The following DNMT1 variants were observed in gnomAD, a reference collection of about 807,000 sequenced individuals.
The protein encoded by DNMT1 is DNA (cytosine-5)-methyltransferase 1.
DNMT1 carries 24 observed loss-of-function variants against 205.3 expected under a neutral mutation model. The ratio of observed to expected loss-of-function variants is 0.12; its 90% CI spans 0.08 to 0.16. DNMT1 has a LOEUF of 0.16. Ranked by LOEUF, DNMT1 falls within the 10% of genes least tolerant of loss-of-function variation. DNMT1 has a pLI of 1.00. For synonymous variants in DNMT1, 817 were observed against 839.8 expected, an observed-to-expected ratio of 0.97 and a Z score of 0.47; for missense variants, 1,293 against 2,177.7, an observed-to-expected ratio of 0.59 and a Z score of 8.09.
chr19:10,150,483 C>T (rs905397298), intron 24 of DNMT1, among the ~76,000 whole-genome samples: 3 of 152,236 alleles, frequency 2.0e-5, no homozygotes, highest in African/African-American at 7.2e-5. Context: ...GTGGCCCCAG[C>T]CTCCTCCCAG....
chr19:10,144,341 G>C (rs2089657785), intron 28 of DNMT1: 1 of 346,698 alleles, frequency 2.9e-6, no homozygotes, highest in Non-Finnish European at 5.7e-6. Flanking sequence ...CCAGGAGGCA[G>C]AGGTTGCAGT....
At chr19:10,185,911 C>A (rs536829536) in intron 1 of DNMT1, among the ~76,000 whole-genome samples, 38 of 151,384 alleles carry the variant, frequency 2.5e-4, no homozygotes, top group African/African-American at 9.2e-4. Context: ...CTCTTCCAGG[C>A]AAAAGTCATT....
intron 29 of DNMT1, among the ~76,000 whole-genome samples, chr19:10,143,047 C>T (rs754616213): frequency 4.6e-5 from 7 of 152,168 alleles, no homozygotes; most frequent in East Asian, 1.9e-4. Context: ...GCCTAATCAC[C>T]GCAAGTTACT....
At position 10,149,732 on chromosome 19, in the gene DNMT1, C is replaced by T. The variant is rs1179717974; in HGVS notation, c.2382-75G>A. The T allele has an allele frequency of 8.7e-6, 14 of 1,609,624 alleles. No individual in the cohort carries two copies. The East Asian group carries it at 1.6e-4, about 18-fold the overall frequency. On this transcript the variant is annotated intron_variant, in intron 25 of 40. Transcript: ENST00000359526. ...ATATGTGACCAAGTCTATGCAGGAG[C>T]ACTCGTCCTTTTCAGTTTTCATCTA...
chr19:10,148,107 ACT>A (rs1437945450), intron 27 of DNMT1, among the ~76,000 whole-genome samples: 2 of 127,520 alleles, frequency 1.6e-5, no homozygotes, highest in African/African-American at 3.1e-5. Context: ...CAAAAGCGAA[ACT>A]CTGTCTCAAA....
At chr19:10,192,584 A>G (rs1336096579) in intron 1 of DNMT1, among the ~76,000 whole-genome samples, 2 of 152,020 alleles carry the variant, frequency 1.3e-5, no homozygotes, top group East Asian at 3.9e-4. Context: ...CAACATGGCA[A>G]GACCCCATCT....
chr19:10,191,568 G>C (rs150488951), intron 1 of DNMT1, among the ~76,000 whole-genome samples: 238 of 152,090 alleles, frequency 1.6e-3, no homozygotes, highest in African/African-American at 5.5e-3. Flanking sequence ...ATTTGCACAG[G>C]GCCAACAGAG....
intron 1 of DNMT1, 79 bp downstream of exon 1, chr19:10,194,741 G>A (rs1466076865): frequency 2.0e-6 from 3 of 1,496,896 alleles, no homozygotes; most frequent in Admixed American, 2.2e-5. Context: ...GCGGCCACCG[G>A]CCACCCCGAG....
At position 10,142,130 on chromosome 19, in the gene DNMT1, G is replaced by A. The variant is rs776374384; in HGVS notation, c.3207C>T (p.Phe1069=). ...CGGTGCAGCGGCCCTGCACAGCCTT[G>A]AAGTCCACCACGGCCTCCTCGTCGC... ...YWSDEEAVVD[F]KAVQGRCTVE... Residue 1069 remains phenylalanine (F), a synonymous_variant, in exon 30 of 41, where the codon TTC becomes TTT. Transcript: ENST00000359526. 1.7e-5 allele frequency: 27 copies of A among 1,614,042 alleles called. No individual in the cohort carries two copies. The South Asian group carries it at 3.0e-4, about 18-fold the overall frequency.
intron 33 of DNMT1, 33 bp from the exon 34 acceptor site, chr19:10,139,850 C>G: frequency 6.4e-7 from 1 of 1,561,936 alleles, no homozygotes; most frequent in Non-Finnish European, 8.7e-7. Context: ...CAGGAGTCAC[C>G]TCCACAGACA....
chr19:10,188,724 C>T (rs2039242285), intron 1 of DNMT1, among the ~76,000 whole-genome samples: 1 of 152,170 alleles, frequency 6.6e-6, no homozygotes, highest in Non-Finnish European at 1.5e-5. Context: ...GAACACAGAA[C>T]CTTTCTAGCT....
chr19:10,173,202 A>G, intron 8 of DNMT1, 28 bp from the exon 9 acceptor site: 1 of 1,612,522 alleles, frequency 6.2e-7, no homozygotes, highest in East Asian at 2.2e-5. Flanking sequence ...ACAGACCCCA[A>G]GTGTGAGTGC....
At chr19:10,150,307 T>G (rs1416333866) in intron 24 of DNMT1, among the ~76,000 whole-genome samples, 1 of 152,210 alleles carries the variant, frequency 6.6e-6, no homozygotes, top group East Asian at 1.9e-4. Flanking sequence ...ACCCCTGTCC[T>G]GCCCATCATC....
At chr19:10,166,224 G>A (rs1057479144) in intron 11 of DNMT1, among the ~76,000 whole-genome samples, 7 of 152,162 alleles carry the variant, frequency 4.6e-5, no homozygotes, top group Non-Finnish European at 7.4e-5. Flanking sequence ...GACTCAGAAC[G>A]TAGGAGGCTG....
intron 1 of DNMT1, chr19:10,194,405 A>C: frequency 3.2e-5 from 5 of 154,152 alleles, no homozygotes; most frequent in Non-Finnish European, 4.3e-5. Context: ...GGACACCGGA[A>C]GTGGAGGCCG....
chr19:10,136,059 C>G, intron 38 of DNMT1, 62 bp downstream of exon 38: 1 of 1,609,922 alleles, frequency 6.2e-7, no homozygotes, highest in East Asian at 2.2e-5. Flanking sequence ...CACACTTCCA[C>G]CTAGTTAGGC....
chr19:10,165,697 C>T (rs751191197), intron 11 of DNMT1, among the ~76,000 whole-genome samples: 1 of 152,148 alleles, frequency 6.6e-6, no homozygotes. Flanking sequence ...CCAGCCCTCA[C>T]ATCCCTTTCT....
chr19:10,174,739 A>AAC (rs2038899292), intron 7 of DNMT1, among the ~76,000 whole-genome samples: 2 of 150,608 alleles, frequency 1.3e-5, no homozygotes, highest in African/African-American at 4.9e-5. Flanking sequence ...ACAACAACAA[A>AAC]AAAAACAAAT....
At position 10,146,548 on chromosome 19, in the gene DNMT1, A is replaced by G. The variant is rs1325131365; in HGVS notation, c.2721-24T>C. The stretch of plus-strand genomic sequence containing the variant: ...ATCTGAAGGAAACAAAGGGACAGAA[A>G]CATAAGGCCCTGAGGTGGCCGGCAG... On this transcript the variant is annotated intron_variant, in intron 27 of 40. Coordinates refer to ENST00000359526, the MANE Select transcript of DNMT1 (RefSeq NM_001130823.3). This position sits in a 1 kb window ranked among gnomAD's most constrained non-coding sequence, Gnocchi z 4.4. 1 of 1,613,730 alleles carries G rather than the reference A, an allele frequency of 6.2e-7. No homozygotes were observed. The highest frequency in any genetic ancestry group is 1.7e-5 in the Admixed American group (1 of 60,010).
Sources: allele counts gnomAD v4.1 joint callset (sites outside exome capture counted in the v4.1 genomes callset), GRCh38; gene constraint gnomAD v4.1.1; non-coding constraint Gnocchi (gnomAD v3.1); transcripts MANE v1.5; gene names NCBI Gene and HGNC (gene_info 2026-07-23, HGNC 2026-07-21).